NCOA1: variants seen among roughly 807,000 people sequenced by gnomAD.
The protein encoded by NCOA1 is nuclear receptor coactivator 1.
In NCOA1, 35 loss-of-function variants were observed where a neutral mutation model predicts 150.9. That is an observed-to-expected ratio of 0.23 (90% CI 0.18 to 0.31). The LOEUF (loss-of-function observed/expected upper bound fraction) is 0.31, where lower values mean the gene tolerates loss of function less well. Ranked by LOEUF, NCOA1 falls within the 10% of genes least tolerant of loss-of-function variation. The probability of loss-of-function intolerance (pLI) is 1.00; values close to 1 mark genes in which losing one functional copy is unlikely to be tolerated. For synonymous variants in NCOA1, 590 were observed against 630.0 expected (o/e 0.94, Z 0.95); for missense variants, 1,491 against 1,749.3 (o/e 0.85, Z 2.63).
At chr2:24,732,493 T>C (rs1663068594) in intron 17 of NCOA1, among the ~76,000 whole-genome samples, 3 of 152,324 alleles carry the variant, frequency 2.0e-5, no homozygotes, top group South Asian at 4.1e-4. Context: ...ACTAGGTCGC[T>C]CAGCTTCACT....
chr2:24,753,418 C>T (rs997282484), intron 20 of NCOA1, among the ~76,000 whole-genome samples: 1 of 151,998 alleles, frequency 6.6e-6, no homozygotes, highest in Admixed American at 6.6e-5. Context: ...TATTTCTCTG[C>T]TCCCCTTTAC....
chr2:24,580,043 C>T (rs1348333334), intron 2 of NCOA1, among the ~76,000 whole-genome samples: 1 of 152,144 alleles, frequency 6.6e-6, no homozygotes, highest in Admixed American at 6.6e-5. Context: ...GTGTGGACGT[C>T]AGTAAAAAAT....
intron 19 of NCOA1, among the ~76,000 whole-genome samples, chr2:24,747,577 C>T (rs537460202): frequency 6.6e-6 from 1 of 152,210 alleles, no homozygotes; most frequent in Non-Finnish European, 1.5e-5. Flanking sequence ...CATCCTCCCA[C>T]CTTAGCCTCC....
intron 19 of NCOA1, among the ~76,000 whole-genome samples, chr2:24,742,894 G>A (rs1442955747): frequency 6.6e-6 from 1 of 152,180 alleles, no homozygotes; most frequent in Admixed American, 6.5e-5. Flanking sequence ...GAGTATCTCA[G>A]ACTACTCATT....
chr2:24,696,732 CAGTCT>C (rs1332006388), intron 10 of NCOA1, among the ~76,000 whole-genome samples: 1 of 152,004 alleles, frequency 6.6e-6, no homozygotes, highest in Non-Finnish European at 1.5e-5. Context: ...AAACCGATAA[CAGTCT>C]AGATGCCCAT....
chr2:24,768,836 C>T lies in NCOA1; in HGVS notation c.*445C>T. On this transcript the variant is annotated 3_prime_UTR_variant, in exon 23 of 23. Coordinates refer to ENST00000348332, the MANE Select transcript of NCOA1 (RefSeq NM_003743.5). ...TTTGCCTGTGCCCGTCCACCAAAGG[C>T]TGTCATGTGTCTCGAAATCAGCAGC... 1 of 225,140 alleles carries T rather than the reference C, an allele frequency of 4.4e-6. No homozygotes were observed. Among genetic ancestry groups the T allele is most frequent in the Non-Finnish European group, 8.9e-6 (1 of 112,678 alleles). 13.9% of individuals were successfully genotyped at this position (225,140 alleles called of 1,614,324 possible).
At chr2:24,659,834 T>C (rs992415930) in intron 5 of NCOA1, among the ~76,000 whole-genome samples, 4 of 152,134 alleles carry the variant, frequency 2.6e-5, no homozygotes, top group Non-Finnish European at 4.4e-5. Flanking sequence ...AGCATCTTAG[T>C]TGTGACAACC....
intron 22 of NCOA1, among the ~76,000 whole-genome samples, chr2:24,765,377 T>G (rs1235149839): frequency 6.6e-6 from 1 of 151,240 alleles, no homozygotes; most frequent in Non-Finnish European, 1.5e-5. Context: ...CGGGCGCCTG[T>G]AGTCTCAGCT....
chr2:24,735,806 G>A (rs905235144), intron 17 of NCOA1, among the ~76,000 whole-genome samples: 11 of 152,246 alleles, frequency 7.2e-5, no homozygotes, highest in African/African-American at 2.2e-4. Context: ...TGTAATACCC[G>A]CTTACTCCTC....
chr2:24,768,407 T>A lies in NCOA1; in HGVS notation c.*16T>A, dbSNP rs760054986. 1 of 1,563,774 alleles carries A rather than the reference T, an allele frequency of 6.4e-7. No individual in the cohort carries two copies. The highest frequency in any genetic ancestry group is 1.4e-5 in the African/African-American group (1 of 72,744). ...GACTGAATAACCACTTTTAAAGGAATGTGAAATTTAAATAATAGACATACA... is the reference window on the plus strand; with the variant it reads ...GACTGAATAACCACTTTTAAAGGAAAGTGAAATTTAAATAATAGACATACA... On this transcript the variant is annotated 3_prime_UTR_variant, in exon 23 of 23. Coordinates refer to ENST00000348332, the MANE Select transcript of NCOA1 (RefSeq NM_003743.5).
At chr2:24,553,000 T>C (rs1001524758) in intron 1 of NCOA1, among the ~76,000 whole-genome samples, 6 of 152,236 alleles carry the variant, frequency 3.9e-5, no homozygotes, top group Non-Finnish European at 7.3e-5. Flanking sequence ...TGCATCACTG[T>C]ACTGACAGTG....
At chr2:24,537,305 A>G (rs757581726) in intron 1 of NCOA1, among the ~76,000 whole-genome samples, 2 of 151,954 alleles carry the variant, frequency 1.3e-5, no homozygotes, top group Non-Finnish European at 2.9e-5. Flanking sequence ...GCCTTGAAAA[A>G]GAAGATCCTG....
chr2:24,721,525 C>T (rs766416848), intron 14 of NCOA1, among the ~76,000 whole-genome samples: 1 of 152,250 alleles, frequency 6.6e-6, no homozygotes, highest in Non-Finnish European at 1.5e-5. Context: ...CCCTACTTCT[C>T]AGTTGTTGTG....
At chr2:24,706,416 T>G in intron 12 of NCOA1, 152 bp from the exon 13 acceptor site, 1 of 822,240 alleles carries the variant, frequency 1.2e-6, no homozygotes, top group Non-Finnish European at 1.7e-6. Context: ...TTTAAGAAAC[T>G]TTTTTCTTAA....
chr2:24,517,568 T>C (rs1456021184), intron 1 of NCOA1, among the ~76,000 whole-genome samples: 1 of 152,182 alleles, frequency 6.6e-6, no homozygotes, highest in Non-Finnish European at 1.5e-5. Context: ...AAGGCTAATT[T>C]ACCTAGCAAG....
intron 1 of NCOA1, among the ~76,000 whole-genome samples, chr2:24,551,110 A>G (rs2148221956): frequency 6.6e-6 from 1 of 152,120 alleles, no homozygotes. Flanking sequence ...AAAAAAAAAA[A>G]AAGCTCTGAT....
chr2:24,650,969 T>G (rs1354791379), intron 4 of NCOA1, among the ~76,000 whole-genome samples: 2 of 152,094 alleles, frequency 1.3e-5, no homozygotes, highest in African/African-American at 4.8e-5. Flanking sequence ...CATTCAAAAA[T>G]TTTTGGATTT....
chr2:24,598,922 T>C (rs2148351202), intron 3 of NCOA1, among the ~76,000 whole-genome samples: 1 of 152,252 alleles, frequency 6.6e-6, no homozygotes, highest in East Asian at 1.9e-4. Flanking sequence ...TTCTTAAAGA[T>C]CTAGTTTTAC....
chr2:24,611,518 C>G (rs547353462), intron 3 of NCOA1, among the ~76,000 whole-genome samples: 10 of 152,130 alleles, frequency 6.6e-5, no homozygotes, highest in Non-Finnish European at 1.5e-4. Flanking sequence ...TGAGAAACCT[C>G]CATACCGTTT....
Sources: allele counts gnomAD v4.1 joint callset (sites outside exome capture counted in the v4.1 genomes callset), GRCh38; gene constraint gnomAD v4.1.1; transcripts MANE v1.5; gene names NCBI Gene and HGNC (gene_info 2026-07-23, HGNC 2026-07-21).